PRKCH: variants seen among roughly 807,000 people sequenced by gnomAD.
PRKCH encodes the protein protein kinase C eta type.
Under a neutral mutation model 82.5 loss-of-function variants are expected in PRKCH, and 28 were observed. The observed-to-expected ratio is 0.34, with a 90% confidence interval of 0.25 to 0.47. PRKCH has a LOEUF of 0.47. PRKCH is among the 20% of genes least tolerant of loss of function. The pLI, the probability that PRKCH is intolerant of heterozygous loss-of-function variation, is 1.00. For synonymous variants in PRKCH, 322 were observed against 327.4 expected (o/e 0.98, Z 0.18); for missense variants, 705 against 881.8 (o/e 0.80, Z 2.54).
At position 61,508,099 on chromosome 14, in the gene PRKCH, A is replaced by G. The variant is rs77904126; in HGVS notation, c.1434-20976A>G. 2.0e-3 allele frequency among the ~76,000 whole-genome samples: 303 copies of G among 152,254 alleles called. 3 individuals are homozygous for G. In the East Asian group the frequency reaches 0.05, roughly 25 times the overall value. ...TTTTGTATGTCAGTTATTCCTTAAT[A>G]AAGCAGTTATTTTTAAAAATCCTCT... On this transcript the variant is annotated intron_variant, in intron 10 of 13. Coordinates refer to ENST00000332981, the MANE Select transcript of PRKCH (RefSeq NM_006255.5).
At chr14:61,225,764 G>A (rs1295495791) in intron 1 of PRKCH, among the ~76,000 whole-genome samples, 1 of 151,628 alleles carries the variant, frequency 6.6e-6, no homozygotes, top group African/African-American at 2.4e-5. Flanking sequence ...TAACAGACAG[G>A]GTCTTGCTCT....
intron 1 of PRKCH, among the ~76,000 whole-genome samples, chr14:61,246,134 G>C (rs1051819100): frequency 6.6e-6 from 1 of 151,990 alleles, no homozygotes; most frequent in African/African-American, 2.4e-5. Context: ...GGCCAGGCGC[G>C]GTGGCTCACA....
chr14:61,510,515 A>G (rs1887331514), intron 10 of PRKCH, among the ~76,000 whole-genome samples: 1 of 152,124 alleles, frequency 6.6e-6, no homozygotes, highest in South Asian at 2.1e-4. Context: ...CGAGATTTCC[A>G]GTGAAGGAGC....
At chr14:61,454,538 C>T (rs1884671469) in intron 7 of PRKCH, among the ~76,000 whole-genome samples, 4 of 152,228 alleles carry the variant, frequency 2.6e-5, no homozygotes, top group African/African-American at 4.8e-5. Flanking sequence ...AGCGTCCTCA[C>T]CTCTAAAGCG....
chr14:61,199,110 T>C (rs1594848158), intron 1 of PRKCH, among the ~76,000 whole-genome samples: 1 of 152,134 alleles, frequency 6.6e-6, no homozygotes, highest in African/African-American at 2.4e-5. Context: ...AAATGACCAA[T>C]ATGTACTACT....
chr14:61,388,634 A>T (rs746360393), intron 1 of PRKCH, among the ~76,000 whole-genome samples: 49 of 152,138 alleles, frequency 3.2e-4, no homozygotes, highest in South Asian at 4.1e-4. Context: ...AAGATGAGGG[A>T]GTGTGGCTTT....
At chr14:61,495,115 G>C (rs559547128) in intron 10 of PRKCH, among the ~76,000 whole-genome samples, 1 of 152,324 alleles carries the variant, frequency 6.6e-6, no homozygotes, top group Non-Finnish European at 1.5e-5. Context: ...AATTTGAGAG[G>C]AGATTCAAGA....
intron 1 of PRKCH, among the ~76,000 whole-genome samples, chr14:61,226,195 T>C (rs6573373): frequency 0.46 from 70,277 of 152,038 alleles, 17,771 homozygotes; most frequent in African/African-American, 0.67. Context: ...TAAGCATTTA[T>C]TGGCCTCCAC....
chr14:61,310,616 C>T (rs1273732759), intron 1 of PRKCH, among the ~76,000 whole-genome samples: 1 of 152,208 alleles, frequency 6.6e-6, no homozygotes. Context: ...TGTGGCTTTT[C>T]CAGGCACCTG....
intron 2 of PRKCH, among the ~76,000 whole-genome samples, chr14:61,415,554 A>T (rs1570718): frequency 0.24 from 36,471 of 152,144 alleles, 4,733 homozygotes; most frequent in Admixed American, 0.38. Flanking sequence ...AATTTTTGAC[A>T]GCATTTACTT....
At chr14:61,237,226 G>C (rs898839115) in intron 1 of PRKCH, among the ~76,000 whole-genome samples, 2 of 143,112 alleles carry the variant, frequency 1.4e-5, no homozygotes, top group African/African-American at 5.2e-5. Context: ...CTGGGTGACA[G>C]AGCAAGACTC....
At chr14:61,371,792 T>G (rs1416107588) in intron 1 of PRKCH, among the ~76,000 whole-genome samples, 5 of 152,040 alleles carry the variant, frequency 3.3e-5, no homozygotes, top group Non-Finnish European at 5.9e-5. Context: ...TGTACATAGC[T>G]CACACTTTAG....
intron 2 of PRKCH, among the ~76,000 whole-genome samples, chr14:61,411,409 C>T (rs1882262863): frequency 1.3e-5 from 2 of 152,186 alleles, no homozygotes; most frequent in South Asian, 4.1e-4. Context: ...TTGGATTTTT[C>T]AGTTTAAAAC....
At chr14:61,263,211 C>G (rs1053931015) in intron 1 of PRKCH, among the ~76,000 whole-genome samples, 1 of 152,192 alleles carries the variant, frequency 6.6e-6, no homozygotes, top group Non-Finnish European at 1.5e-5. Context: ...AGTCATCACC[C>G]TGGACCTTGT....
intron 2 of PRKCH, among the ~76,000 whole-genome samples, chr14:61,402,434 C>G (rs1261045796): frequency 6.6e-6 from 1 of 152,330 alleles, no homozygotes; most frequent in Middle Eastern, 3.4e-3. Flanking sequence ...CTGTGTGAGG[C>G]TGGACTGTAT....
At chr14:61,414,418 G>T (rs1260633401) in intron 2 of PRKCH, among the ~76,000 whole-genome samples, 1 of 151,334 alleles carries the variant, frequency 6.6e-6, no homozygotes, top group African/African-American at 2.4e-5. Context: ...GATTACAGGT[G>T]CCCACCCTCA....
chr14:61,205,446 C>T (rs1252284043), intron 1 of PRKCH, among the ~76,000 whole-genome samples: 1 of 152,208 alleles, frequency 6.6e-6, no homozygotes, highest in East Asian at 1.9e-4. Flanking sequence ...CAGGGACTAG[C>T]AACCTTGGAA....
chr14:61,263,442 G>A (rs1277736567), intron 1 of PRKCH, among the ~76,000 whole-genome samples: 1 of 151,746 alleles, frequency 6.6e-6, no homozygotes, highest in Non-Finnish European at 1.5e-5. Flanking sequence ...TGTAAAATTG[G>A]TATTACTATC....
chr14:61,487,924 C>A (rs563962242), intron 10 of PRKCH, among the ~76,000 whole-genome samples: 1 of 151,836 alleles, frequency 6.6e-6, no homozygotes, highest in Admixed American at 6.6e-5. Flanking sequence ...GAGGCCGAGG[C>A]GGGCGGATCA....
Sources: allele counts gnomAD v4.1 joint callset (sites outside exome capture counted in the v4.1 genomes callset), GRCh38; gene constraint gnomAD v4.1.1; transcripts MANE v1.5; gene names NCBI Gene and HGNC (gene_info 2026-07-23, HGNC 2026-07-21).